Variants in PCSK5 observed in about 807,000 individuals in gnomAD.
The protein encoded by PCSK5 is prohormone convertase 5.
Under a neutral mutation model 233.2 loss-of-function variants are expected in PCSK5, and 129 were observed. The observed-to-expected ratio is 0.55, with a 90% CI of 0.48 to 0.64. PCSK5 has a LOEUF of 0.64. Ranked by LOEUF, PCSK5 falls within the 30% of genes least tolerant of loss-of-function variation. The pLI, the probability that PCSK5 is intolerant of heterozygous loss-of-function variation, is 0.00. For synonymous variants in PCSK5, 825 were observed against 879.2 expected (o/e 0.94, Z 1.09); for missense variants, 2,076 against 2,430.1 (o/e 0.85, Z 3.06).
At chr9:76,179,258 A>G (rs1259362135) in intron 14 of PCSK5, among the ~76,000 whole-genome samples, 1 of 152,164 alleles carries the variant, frequency 6.6e-6, no homozygotes, top group Non-Finnish European at 1.5e-5. Flanking sequence ...ACTATTACAC[A>G]TACTTAATTG....
At chr9:76,321,685 C>T (rs987428081) in intron 31 of PCSK5, 46 bp downstream of exon 31, 2 of 1,261,274 alleles carry the variant, frequency 1.6e-6, no homozygotes, top group Non-Finnish European at 2.3e-6. Context: ...GCTGAGCCAC[C>T]AGTTGGGGGC....
At chr9:76,002,687 T>A (rs1338929909) in intron 3 of PCSK5, among the ~76,000 whole-genome samples, 3 of 152,126 alleles carry the variant, frequency 2.0e-5, no homozygotes, top group Admixed American at 6.5e-5. Flanking sequence ...TTGTAAGTGA[T>A]CAGAAAATTC....
At chr9:76,260,112 T>C (rs1019643467) in intron 24 of PCSK5, among the ~76,000 whole-genome samples, 1 of 152,236 alleles carries the variant, frequency 6.6e-6, no homozygotes, top group African/African-American at 2.4e-5. Flanking sequence ...TGTTAGAAAT[T>C]AATCCTGGCT....
intron 1 of PCSK5, among the ~76,000 whole-genome samples, chr9:75,903,603 T>TATATATTATATATATATA: frequency 7.0e-6 from 1 of 142,978 alleles, no homozygotes; most frequent in African/African-American, 2.6e-5. Flanking sequence ...ATATATTATA[T>TATATATTATATATATATA]ATATATATTA....
intron 8 of PCSK5, among the ~76,000 whole-genome samples, 180 bp downstream of exon 8, chr9:76,096,282 T>G (rs1038559348): frequency 1.3e-5 from 2 of 152,102 alleles, no homozygotes; most frequent in Non-Finnish European, 2.9e-5. Flanking sequence ...CATTACCAAT[T>G]GAAAATGCTT....
At chr9:76,260,586 G>A (rs936486261) in intron 24 of PCSK5, among the ~76,000 whole-genome samples, 4 of 152,154 alleles carry the variant, frequency 2.6e-5, no homozygotes, top group African/African-American at 7.2e-5. Flanking sequence ...AGCTAGCAAG[G>A]AAATGAATAA....
At chr9:76,320,465 CTTTTTT>C (rs140154837) in intron 30 of PCSK5, among the ~76,000 whole-genome samples, 2 of 102,018 alleles carry the variant, frequency 2.0e-5, no homozygotes, top group Non-Finnish European at 3.8e-5. Context: ...TACATTGTAG[CTTTTTT>C]TTTTTTTTTT....
chr9:75,948,366 T>C (rs1824682030), intron 2 of PCSK5, among the ~76,000 whole-genome samples: 1 of 137,002 alleles, frequency 7.3e-6, no homozygotes, highest in African/African-American at 2.7e-5. Flanking sequence ...TGTGTCCATG[T>C]GTTCTCATTG....
rs546264784 is a variant in PCSK5, at chr9:76,103,031, A to G, written c.1108-4220A>G. On this transcript the variant is annotated intron_variant, in intron 8 of 37. Coordinates refer to ENST00000674117, the MANE Select transcript of PCSK5 (RefSeq NM_001372043.1). ...CTTCACATTTACAGATTCTTTTAGC[A>G]ACACGAGAGTGGGATTTTGTGTGGA... Among the ~76,000 whole-genome samples the G allele has an allele frequency of 2.6e-5, 4 of 152,358 alleles. No homozygotes were observed. The South Asian group carries it at 8.3e-4, about 32-fold the overall frequency.
intron 2 of PCSK5, among the ~76,000 whole-genome samples, chr9:75,939,398 G>T (rs1437230266): frequency 5.3e-5 from 8 of 152,120 alleles, no homozygotes; most frequent in Non-Finnish European, 1.2e-4. Flanking sequence ...AGAGATCTAA[G>T]CTAAATTTTA....
chr9:76,072,266 C>T (rs1407592161), intron 7 of PCSK5, among the ~76,000 whole-genome samples: 2 of 152,094 alleles, frequency 1.3e-5, no homozygotes, highest in African/African-American at 4.8e-5. Context: ...TAGTGATGCC[C>T]CTTGGGGCAT....
intron 35 of PCSK5, among the ~76,000 whole-genome samples, chr9:76,346,805 A>G (rs1829993327): frequency 6.6e-6 from 1 of 152,212 alleles, no homozygotes; most frequent in Non-Finnish European, 1.5e-5. Flanking sequence ...AGAAATGAGG[A>G]GGCATGAAAG....
chr9:76,017,272 C>T (rs1235955593), intron 3 of PCSK5, among the ~76,000 whole-genome samples: 1 of 152,146 alleles, frequency 6.6e-6, no homozygotes, highest in Non-Finnish European at 1.5e-5. Context: ...TGATCAATTG[C>T]CCTTTCAACT....
At chr9:76,103,787 G>A (rs1831864121) in intron 8 of PCSK5, among the ~76,000 whole-genome samples, 2 of 152,144 alleles carry the variant, frequency 1.3e-5, no homozygotes, top group Non-Finnish European at 2.9e-5. Flanking sequence ...ACTCTGATGG[G>A]CACAAATGAT....
chr9:76,185,825 T>TTA (rs900864976), intron 17 of PCSK5, among the ~76,000 whole-genome samples: 5 of 152,198 alleles, frequency 3.3e-5, no homozygotes, highest in African/African-American at 9.7e-5. Flanking sequence ...CTCTATAAAA[T>TTA]GATGATAATA....
At chr9:76,269,728 C>T (rs1827449851) in intron 24 of PCSK5, among the ~76,000 whole-genome samples, 1 of 152,152 alleles carries the variant, frequency 6.6e-6, no homozygotes, top group Non-Finnish European at 1.5e-5. Context: ...ACACAGAGGA[C>T]AAAAATGTGT....
intron 2 of PCSK5, among the ~76,000 whole-genome samples, chr9:75,970,609 T>A (rs1382311122): frequency 2.0e-5 from 3 of 152,162 alleles, no homozygotes; most frequent in Non-Finnish European, 4.4e-5. Flanking sequence ...TTTCTTTTTT[T>A]AAACTTTATT....
chr9:76,132,951 C>A (rs73650460), intron 9 of PCSK5, among the ~76,000 whole-genome samples: 24,477 of 151,718 alleles, frequency 0.16, 2,297 homozygotes, highest in Non-Finnish European at 0.21. Flanking sequence ...ACATACAGGC[C>A]CTATCATGAA....
intron 5 of PCSK5, among the ~76,000 whole-genome samples, chr9:76,051,608 A>C (rs1829632555): frequency 6.6e-6 from 1 of 151,994 alleles, no homozygotes; most frequent in Non-Finnish European, 1.5e-5. Context: ...CCAAAAAAAA[A>C]ACAACAACAA....
Sources: allele counts gnomAD v4.1 joint callset (sites outside exome capture counted in the v4.1 genomes callset), GRCh38; gene constraint gnomAD v4.1.1; transcripts MANE v1.5; gene names NCBI Gene and HGNC (gene_info 2026-07-23, HGNC 2026-07-21).